LPIN2: variants seen among roughly 807,000 people sequenced by gnomAD.
LPIN2 encodes phosphatidate phosphatase LPIN2.
In LPIN2, 55 loss-of-function variants were observed where a neutral mutation model predicts 111.4. The observed-to-expected ratio is 0.49, with a 90% CI of 0.40 to 0.62. The LOEUF is 0.62. Among genes scored for constraint, LPIN2 ranks in the 20% least tolerant of loss-of-function variants. The probability of loss-of-function intolerance (pLI) is 0.00; values close to 1 mark genes in which losing one functional copy is unlikely to be tolerated. For synonymous variants in LPIN2, 425 were observed against 414.0 expected (o/e 1.03, Z -0.32); for missense variants, 992 against 1,112.1 (o/e 0.89, Z 1.54).
intron 4 of LPIN2, among the ~76,000 whole-genome samples, chr18:2,949,871 G>A (rs1293646230): frequency 1.3e-5 from 2 of 152,278 alleles, no homozygotes; most frequent in Non-Finnish European, 1.5e-5. Context: ...GGCTGAGGCG[G>A]GAGAGTTGCT....
chr18:2,928,826 CA>C (rs2077173475), intron 10 of LPIN2, among the ~76,000 whole-genome samples, 166 bp from the exon 11 acceptor site: 1 of 152,196 alleles, frequency 6.6e-6, no homozygotes, highest in South Asian at 2.1e-4. Flanking sequence ...ACCTTCGCTT[CA>C]AGCACAACTT....
chr18:2,950,572 A>C, intron 4 of LPIN2: 1 of 168,834 alleles, frequency 5.9e-6, no homozygotes, highest in Non-Finnish European at 1.3e-5. Flanking sequence ...GAAAAATGGC[A>C]TATAATGAGC....
At chr18:2,931,796 A>G (rs2077217073) in intron 8 of LPIN2, among the ~76,000 whole-genome samples, 2 of 152,250 alleles carry the variant, frequency 1.3e-5, no homozygotes, top group Admixed American at 1.3e-4. Flanking sequence ...GATGAAAATG[A>G]CAGGGTAATT....
chr18:2,937,964 C>G lies in LPIN2; in HGVS notation c.896G>C (p.Arg299Pro). The G allele has an allele frequency of 6.2e-7, 1 of 1,614,074 alleles. No homozygotes were observed. The highest frequency in any genetic ancestry group is 8.5e-7 in the Non-Finnish European group (1 of 1,180,008). Residue 299 changes from arginine to proline, a missense_variant, in exon 7 of 20, where the codon CGG (arginine) becomes CCG (proline). Physicochemically the swap from Arg to Pro is moderately radical, Grantham distance 103. Coordinates refer to ENST00000677752, the MANE Select transcript of LPIN2 (RefSeq NM_001375808.2). Reference protein sequence around the residue: ...TITPSENTHFRVIPSEDNLIS... With the variant: ...TITPSENTHFPVIPSEDNLIS... ...GAGGTTGTCCTCACTGGGAATTACC[C>G]GAAAATGAGTATTTTCTGATGGTGT...
rs1449520186 is a variant in LPIN2, at chr18:2,938,031, T to C, written c.829A>G (p.Lys277Glu). ...GGATGATGGTCAGATCGTTCTCTTT[T>C]GCTGACCTAAAAAAGTTAAATTGTT... is the stretch of plus-strand genomic sequence containing the variant. The part of the protein sequence containing the change: ...GGFPESTKVS[K>E]RERSDHHPRT... The change falls in exon 7 of 20, where the codon AAA becomes GAA. Residue 277 changes from lysine to glutamate, a missense_variant. Around this residue, in one of 4 missense-constraint regions of LPIN2, gnomAD observed 709 missense variants for 753.2 expected, o/e 0.94. Coordinates refer to ENST00000677752, the MANE Select transcript of LPIN2 (RefSeq NM_001375808.2). 1.2e-6 allele frequency: 2 copies of C among 1,613,198 alleles called. No homozygotes were observed. Among genetic ancestry groups the C allele is most frequent in the African/African-American group, 1.3e-5 (1 of 74,930 alleles).
chr18:3,004,207 T>G (rs989382311), intron 1 of LPIN2, among the ~76,000 whole-genome samples: 7 of 152,326 alleles, frequency 4.6e-5, no homozygotes, highest in African/African-American at 1.7e-4. Flanking sequence ...ATTCTAATTT[T>G]GCCTTTGCCT....
intron 18 of LPIN2, 38 bp from the exon 19 acceptor site, chr18:2,920,919 G>A (rs377133832): frequency 3.2e-5 from 42 of 1,307,750 alleles, no homozygotes; most frequent in Non-Finnish European, 4.6e-5. Flanking sequence ...TTCCAGGGAG[G>A]AGAATTCAGG....
At chr18:3,001,844 G>A (rs575106918) in intron 1 of LPIN2, among the ~76,000 whole-genome samples, 2 of 152,136 alleles carry the variant, frequency 1.3e-5, no homozygotes, top group African/African-American at 4.8e-5. Flanking sequence ...ATGTGATATA[G>A]CCTAATGAAT....
chr18:2,931,989 G>A (rs1019821862), intron 8 of LPIN2, among the ~76,000 whole-genome samples: 2 of 152,094 alleles, frequency 1.3e-5, no homozygotes, highest in African/African-American at 4.8e-5. Context: ...TTCTCTAGAG[G>A]CAAGACCCAC....
intron 1 of LPIN2, among the ~76,000 whole-genome samples, chr18:2,962,631 T>G (rs1330951974): frequency 6.6e-6 from 1 of 152,212 alleles, no homozygotes; most frequent in Non-Finnish European, 1.5e-5. Context: ...TCACTGTAGA[T>G]TCACATGTGG....
chr18:2,938,334 G>C (rs948427139), intron 6 of LPIN2, among the ~76,000 whole-genome samples: 1 of 151,970 alleles, frequency 6.6e-6, no homozygotes, highest in East Asian at 1.9e-4. Flanking sequence ...GATTAGCCTG[G>C]CCAACAGGAT....
At chr18:2,984,101 T>C (rs1467238917) in intron 1 of LPIN2, among the ~76,000 whole-genome samples, 1 of 152,244 alleles carries the variant, frequency 6.6e-6, no homozygotes, top group African/African-American at 2.4e-5. Context: ...AATTTTCAAA[T>C]GTTTGACCAA....
At chr18:2,976,011 C>T (rs2078008368) in intron 1 of LPIN2, among the ~76,000 whole-genome samples, 1 of 152,134 alleles carries the variant, frequency 6.6e-6, no homozygotes, top group Non-Finnish European at 1.5e-5. Flanking sequence ...TTGTACGATT[C>T]TTCCACTATC....
Position 2,996,537 on chromosome 18 carries a change from G to A in LPIN2, c.-10+16550C>T, listed in dbSNP as rs1269223978. ...CTGTCACCCAGGCTGGAGTGCAGTG[G>A]CGCCATCTCAGCTCACTGCAAGCTC... is the stretch of plus-strand genomic sequence containing the variant. On this transcript the variant is annotated intron_variant, in intron 1 of 19. Transcript: ENST00000677752. 2.3e-4 allele frequency among the ~76,000 whole-genome samples: 31 copies of A among 132,054 alleles called. 1 individual carries two copies. The East Asian group carries it at 3.7e-3, about 16-fold the overall frequency. The allele number at this position is 132,054 out of a possible 152,430, so 86.6% of individuals were successfully genotyped here. A position where few individuals can be genotyped will look rare whatever the true frequency, so the allele number is the denominator to read the frequency against.
intron 1 of LPIN2, among the ~76,000 whole-genome samples, chr18:2,983,804 T>TC (rs909267463): frequency 2.6e-5 from 4 of 152,248 alleles, no homozygotes; most frequent in African/African-American, 4.8e-5. Context: ...GTTTTTTTTT[T>TC]CCCACTTTTT....
intron 1 of LPIN2, among the ~76,000 whole-genome samples, chr18:2,993,869 A>G (rs1227498230): frequency 6.6e-6 from 1 of 152,192 alleles, no homozygotes; most frequent in African/African-American, 2.4e-5. Context: ...AGCAGCATAC[A>G]TGTATACCGA....
rs566589073 is a variant in LPIN2 at position 2,996,914 on chromosome 18, A to G, written c.-10+16173T>C. 2.0e-5 allele frequency among the ~76,000 whole-genome samples: 3 copies of G among 152,348 alleles called. No homozygotes were observed. In the South Asian group the frequency reaches 6.2e-4, roughly 32 times the overall value. On this transcript the variant is annotated intron_variant, in intron 1 of 19. Coordinates refer to ENST00000677752, the MANE Select transcript of LPIN2 (RefSeq NM_001375808.2). ...CAAGTTTGCTATATTTGCTAATGGTAAACTTCTGCATAAGAGGTGCCAGAA... is the reference window on the plus strand; with the variant it reads ...CAAGTTTGCTATATTTGCTAATGGTGAACTTCTGCATAAGAGGTGCCAGAA...
At chr18:3,010,779 TGATA>T (rs1192859363) in intron 1 of LPIN2, among the ~76,000 whole-genome samples, 2 of 152,220 alleles carry the variant, frequency 1.3e-5, no homozygotes, top group African/African-American at 4.8e-5. Flanking sequence ...GTTACTGTGC[TGATA>T]TATATTAGGA....
chr18:2,952,419 A>C (rs1384470837), intron 3 of LPIN2, among the ~76,000 whole-genome samples: 1 of 152,214 alleles, frequency 6.6e-6, no homozygotes, highest in Non-Finnish European at 1.5e-5. Flanking sequence ...GCGAGACTCC[A>C]TCTCAAAACA....
Sources: allele counts gnomAD v4.1 joint callset (sites outside exome capture counted in the v4.1 genomes callset), GRCh38; gene constraint gnomAD v4.1.1; regional missense constraint gnomAD v4.1.1; transcripts MANE v1.5; gene names NCBI Gene and HGNC (gene_info 2026-07-23, HGNC 2026-07-21).